IPO8: variants seen among roughly 807,000 people sequenced by gnomAD.
IPO8 encodes importin-8.
In IPO8, 65 loss-of-function variants were observed where a neutral mutation model predicts 141.2. That is an observed-to-expected ratio of 0.46 (90% CI 0.38 to 0.57). IPO8 has a LOEUF of 0.57. Ranked by LOEUF, IPO8 falls within the 20% of genes least tolerant of loss-of-function variation. The probability of loss-of-function intolerance (pLI) is 0.00; values close to 1 mark genes in which losing one functional copy is unlikely to be tolerated. For synonymous variants in IPO8, 411 were observed against 420.3 expected, an observed-to-expected ratio of 0.98 and a Z score of 0.27; for missense variants, 980 against 1,246.8, an observed-to-expected ratio of 0.79 and a Z score of 3.22.
At chr12:30,690,424 TA>T in intron 2 of IPO8, 71 bp downstream of exon 2, 1 of 885,050 alleles carries the variant, frequency 1.1e-6, no homozygotes, top group South Asian at 1.6e-5. Context: ...TACAGATATG[TA>T]AAATTAAAAT....
chr12:30,644,337 C>T (rs1461027471), intron 20 of IPO8, among the ~76,000 whole-genome samples: 2 of 150,996 alleles, frequency 1.3e-5, no homozygotes, highest in African/African-American at 4.9e-5. Flanking sequence ...CACCATTGCA[C>T]TCCAGCCTAG....
At chr12:30,676,444 G>A (rs112231459) in intron 6 of IPO8, 54 bp downstream of exon 6, 18 of 1,254,166 alleles carry the variant, frequency 1.4e-5, no homozygotes, top group African/African-American at 4.5e-5. Flanking sequence ...TCAGTCTACC[G>A]CAAACATTCC....
intron 10 of IPO8, among the ~76,000 whole-genome samples, chr12:30,666,549 A>G (rs1307743565): frequency 1.3e-5 from 2 of 152,226 alleles, no homozygotes; most frequent in African/African-American, 2.4e-5. Context: ...CTATCAAAAA[A>G]CAACAAAAAT....
At chr12:30,662,996 A>T (rs890310226) in intron 14 of IPO8, among the ~76,000 whole-genome samples, 2 of 150,316 alleles carry the variant, frequency 1.3e-5, no homozygotes, top group Admixed American at 1.3e-4. Flanking sequence ...AGCTGAACTT[A>T]CTTTCAAAGG....
At chr12:30,680,902 T>A (rs1296008333) in intron 4 of IPO8, among the ~76,000 whole-genome samples, 9 of 152,168 alleles carry the variant, frequency 5.9e-5, no homozygotes. Context: ...TTTTCCTACA[T>A]GAATGTTTCT....
chr12:30,646,626 A>C (rs1042468522), intron 20 of IPO8, among the ~76,000 whole-genome samples: 4 of 152,140 alleles, frequency 2.6e-5, no homozygotes, highest in Admixed American at 2.0e-4. Context: ...CTAATAAATC[A>C]GTTCAGCAAG....
At chr12:30,650,522 C>T (rs1053795789) in intron 19 of IPO8, among the ~76,000 whole-genome samples, 1 of 152,058 alleles carries the variant, frequency 6.6e-6, no homozygotes, top group Non-Finnish European at 1.5e-5. Flanking sequence ...TGTGAATGGA[C>T]TCTGGAACCA....
At chr12:30,644,885 T>G (rs965432233) in intron 20 of IPO8, among the ~76,000 whole-genome samples, 1 of 151,226 alleles carries the variant, frequency 6.6e-6, no homozygotes, top group African/African-American at 2.4e-5. Flanking sequence ...ACTCCTAACC[T>G]CAGGTGATCC....
At position 30,668,646 on chromosome 12, in the gene IPO8, T is replaced by C. The variant is rs146132875; in HGVS notation, c.1144+537A>G. Among the ~76,000 whole-genome samples, 3 of 152,212 alleles carry C rather than the reference T, an allele frequency of 2.0e-5. No individual in the cohort carries two copies. In the East Asian group the frequency reaches 5.8e-4, roughly 29 times the overall value. The stretch of plus-strand genomic sequence containing the variant: ...TGAAGCAATTAATACAAACTGGGAA[T>C]AAAAGGGAATAAATCAGGCCACCTA... On this transcript the variant is annotated intron_variant, in intron 10 of 24. Coordinates refer to ENST00000256079, the MANE Select transcript of IPO8 (RefSeq NM_006390.4).
rs143442160 is a variant in IPO8 at position 30,637,088 on chromosome 12, G to A, written c.2589C>T (p.Pro863=). 140 of 1,613,934 alleles carry A rather than the reference G, an allele frequency of 8.7e-5. No homozygotes were observed. The African/African-American group carries it at 1.7e-3, about 20-fold the overall frequency. ...GGCCAAGGAAAAGGAAAAGAATTGAGGGAACAATCTGTCCCACCACAGCAT... is the reference window on the plus strand; with the variant it reads ...GGCCAAGGAAAAGGAAAAGAATTGAAGGAACAATCTGTCCCACCACAGCAT... The part of the protein sequence containing the change: ...AVDAVVGQIV[P]SILFLFLGLK... Residue 863 remains proline, a synonymous_variant, in exon 22 of 25, where the codon CCC becomes CCT. Transcript: ENST00000256079.
chr12:30,653,166 G>A (rs1165734653), intron 17 of IPO8, 74 bp from the exon 18 acceptor site: 2 of 1,365,788 alleles, frequency 1.5e-6, no homozygotes, highest in Non-Finnish European at 2.0e-6. Context: ...ACAGAGGAGG[G>A]TTTAGACTAC....
At chr12:30,642,716 C>T (rs2052591671) in intron 20 of IPO8, among the ~76,000 whole-genome samples, 1 of 151,536 alleles carries the variant, frequency 6.6e-6, no homozygotes, top group Admixed American at 6.6e-5. Context: ...ATGAATATCC[C>T]CTGTGCCCAG....
intron 3 of IPO8, among the ~76,000 whole-genome samples, chr12:30,682,344 A>T (rs1479148554): frequency 6.6e-6 from 1 of 152,208 alleles, no homozygotes; most frequent in Non-Finnish European, 1.5e-5. Flanking sequence ...TATCCAAAGC[A>T]GTCTGAGATA....
intron 2 of IPO8, among the ~76,000 whole-genome samples, chr12:30,685,753 C>T (rs1296037336): frequency 1.3e-5 from 2 of 151,388 alleles, no homozygotes; most frequent in Non-Finnish European, 2.9e-5. Context: ...GGTGAAACCC[C>T]GTCTCTACTA....
chr12:30,668,465 G>A (rs1204027978), intron 10 of IPO8, among the ~76,000 whole-genome samples: 1 of 152,178 alleles, frequency 6.6e-6, no homozygotes, highest in Non-Finnish European at 1.5e-5. Context: ...GCATACTGGA[G>A]GCCAAGCACT....
At position 30,652,237 on chromosome 12, in the gene IPO8, T is replaced by C; in HGVS notation, c.2127A>G (p.Leu709=). ...GAATTTCTAAATGTTTTGCATTTGA[T>C]AGTAAGGTATCTGTATCTATTGTCA... ...NYVTIDTDTL[L]SNAKHLEILF... The change falls in exon 19 of 25, where the codon CTA becomes CTG. Residue 709 remains leucine (L), a synonymous_variant. Transcript: ENST00000256079. 1 of 1,605,172 alleles carries C rather than the reference T, an allele frequency of 6.2e-7. No homozygotes were observed. The highest frequency in any genetic ancestry group is 8.5e-7 in the Non-Finnish European group (1 of 1,173,150).
chr12:30,685,183 A>C (rs1372353778), intron 2 of IPO8, among the ~76,000 whole-genome samples: 1 of 149,922 alleles, frequency 6.7e-6, no homozygotes, highest in Non-Finnish European at 1.5e-5. Context: ...TCTGTCATCC[A>C]GGCTAGAGTG....
chr12:30,648,358 T>A (rs2052677270), intron 20 of IPO8, among the ~76,000 whole-genome samples: 1 of 152,186 alleles, frequency 6.6e-6, no homozygotes, highest in African/African-American at 2.4e-5. Context: ...TTACATCAAA[T>A]GCCCAGAATA....
chr12:30,683,611 G>A (rs987910837), intron 3 of IPO8, among the ~76,000 whole-genome samples: 2 of 152,102 alleles, frequency 1.3e-5, no homozygotes, highest in African/African-American at 4.8e-5. Flanking sequence ...AGTTAAATAT[G>A]CACACTTTAA....
Sources: allele counts gnomAD v4.1 joint callset (sites outside exome capture counted in the v4.1 genomes callset), GRCh38; gene constraint gnomAD v4.1.1; transcripts MANE v1.5; gene names NCBI Gene and HGNC (gene_info 2026-07-23, HGNC 2026-07-21).